RBFOX2: variants seen among roughly 807,000 people sequenced by gnomAD.
RBFOX2 encodes RNA binding fox-1 homolog 2, also known as RNA binding protein fox-1 homolog 2.
RBFOX2 carries 10 observed loss-of-function variants against 49.1 expected under a neutral mutation model. The ratio of observed to expected loss-of-function variants is 0.20; its 90% confidence interval spans 0.13 to 0.35. The LOEUF (loss-of-function observed/expected upper bound fraction) is 0.35, where lower values mean the gene tolerates loss of function less well. Among genes scored for constraint, RBFOX2 ranks in the 10% least tolerant of loss-of-function variants. RBFOX2 has a pLI of 1.00. For missense variants in RBFOX2, 323 were observed against 486.9 expected, an observed-to-expected ratio of 0.66 and a Z score of 3.17; for synonymous variants, 183 against 187.4, an observed-to-expected ratio of 0.98 and a Z score of 0.19.
At chr22:35,926,847 A>C (rs981891204) in intron 1 of RBFOX2, among the ~76,000 whole-genome samples, 5 of 152,192 alleles carry the variant, frequency 3.3e-5, no homozygotes, top group Non-Finnish European at 7.3e-5. Flanking sequence ...CAAAAAGAAG[A>C]AACTTGGGCC....
chr22:35,948,351 A>G (rs536331331), intron 1 of RBFOX2, among the ~76,000 whole-genome samples: 16 of 152,336 alleles, frequency 1.1e-4, no homozygotes, highest in African/African-American at 3.6e-4. Flanking sequence ...CATTTTAAAA[A>G]AATAAAATAA....
chr22:35,866,956 A>G (rs1038826415), intron 1 of RBFOX2, among the ~76,000 whole-genome samples: 3 of 152,208 alleles, frequency 2.0e-5, no homozygotes, highest in Admixed American at 6.5e-5. Flanking sequence ...AATGTGTAAC[A>G]GTATCTACGT....
At chr22:36,028,473 C>T in exon 1 of RBFOX2, 2 of 1,145,356 alleles carry the variant, frequency 1.7e-6, no homozygotes, top group South Asian at 4.3e-5. Flanking sequence ...CCGCGACAGG[C>T]CACCTCCCCC....
chr22:35,762,027 A>C (rs1939082107), intron 6 of RBFOX2, among the ~76,000 whole-genome samples: 1 of 152,192 alleles, frequency 6.6e-6, no homozygotes, highest in South Asian at 2.1e-4. Context: ...ACTGGGGTTC[A>C]CCAACTAAAA....
chr22:35,965,827 C>T (rs1211769820), upstream of RBFOX2, among the ~76,000 whole-genome samples: 1 of 152,128 alleles, frequency 6.6e-6, no homozygotes, highest in Non-Finnish European at 1.5e-5. Context: ...GAAGGGAAAG[C>T]TATCTATCAG....
chr22:35,935,427 G>C (rs1176695127), intron 1 of RBFOX2, among the ~76,000 whole-genome samples: 3 of 152,208 alleles, frequency 2.0e-5, no homozygotes, highest in Non-Finnish European at 4.4e-5. Flanking sequence ...AAAGAAGGCT[G>C]AGGTGACCTT....
At chr22:36,002,923 G>A (rs1181833013) in intron 1 of RBFOX2, among the ~76,000 whole-genome samples, 2 of 152,252 alleles carry the variant, frequency 1.3e-5, no homozygotes, top group African/African-American at 4.8e-5. Flanking sequence ...ACCACGCCCA[G>A]CCCGGACTCT....
At chr22:35,757,271 TAG>T (rs1937275695) in intron 9 of RBFOX2, among the ~76,000 whole-genome samples, 2 of 151,188 alleles carry the variant, frequency 1.3e-5, no homozygotes, top group South Asian at 4.2e-4. Flanking sequence ...TTCTTAAGTA[TAG>T]ATTTCCAACC....
At chr22:35,945,778 G>A (rs1342228843) in intron 1 of RBFOX2, among the ~76,000 whole-genome samples, 1 of 152,138 alleles carries the variant, frequency 6.6e-6, no homozygotes, top group African/African-American at 2.4e-5. Context: ...GCGTCATTCT[G>A]CTTCCAAACC....
chr22:35,803,543 T>C (rs900959096), intron 2 of RBFOX2, among the ~76,000 whole-genome samples: 5 of 151,914 alleles, frequency 3.3e-5, no homozygotes, highest in African/African-American at 7.3e-5. Context: ...TGGGTTTGGT[T>C]GCATGTGCCT....
rs1420220484 is a variant in RBFOX2 at position 35,809,981 on chromosome 22, AGTT to A, written c.48_50del (p.Thr17del). On this transcript the variant is annotated inframe_deletion, in exon 2 of 12. Transcript: ENST00000405409. ...TAAAAGGCTGAACCATTGCGTCAGGAGTTGTTGTCGGCTCCTGGTTACCCTAAA... is the reference window on the plus strand; with the variant it reads ...TAAAAGGCTGAACCATTGCGTCAGGAGTTGTCGGCTCCTGGTTACCCTAAA... 4 of 1,614,022 alleles carry A rather than the reference AGTT, an allele frequency of 2.5e-6. No individual in the cohort carries two copies. The Admixed American group carries it at 6.7e-5, about 27-fold the overall frequency.
chr22:35,749,461 T>C lies in RBFOX2; in HGVS notation c.888-2900A>G, dbSNP rs887851180. Among the ~76,000 whole-genome samples, 13 of 152,068 alleles carry C rather than the reference T, an allele frequency of 8.5e-5. No individual in the cohort carries two copies. The highest frequency in any genetic ancestry group is 3.1e-4 in the African/African-American group (13 of 41,412). ...AATTCACTAATGACTACTCCAAAAG[T>C]AGAAAAATTAATTGTGTATCATGGA... On this transcript the variant is annotated intron_variant, in intron 9 of 11. Coordinates refer to ENST00000405409, the Ensembl canonical transcript of RBFOX2. This position sits in a 1 kb window ranked among gnomAD's most constrained non-coding sequence, Gnocchi z 4.1.
chr22:35,994,169 T>C (rs910858436), intron 1 of RBFOX2: 5 of 150,678 alleles, frequency 3.3e-5, no homozygotes. Flanking sequence ...GTAGTAGCCA[T>C]ATTAAAAATG....
chr22:36,016,635 C>T (rs182416871), intron 1 of RBFOX2, among the ~76,000 whole-genome samples: 21 of 152,290 alleles, frequency 1.4e-4, no homozygotes, highest in African/African-American at 5.1e-4. Context: ...ACCTGGGGAC[C>T]TAAGTCCCTA....
intron 1 of RBFOX2, among the ~76,000 whole-genome samples, chr22:35,914,171 T>C (rs1229173842): frequency 6.6e-6 from 1 of 152,194 alleles, no homozygotes; most frequent in Non-Finnish European, 1.5e-5. Context: ...CTTCCTTAAG[T>C]GACCTTGGGC....
At chr22:35,994,385 T>TTTTATTTATTTATTTATTTA (rs560646071) in intron 1 of RBFOX2, 7 of 148,030 alleles carry the variant, frequency 4.7e-5, no homozygotes, top group African/African-American at 1.8e-4. Flanking sequence ...TATTTATTCA[T>TTTTATTTATTTATTTATTTA]TTTATTTATT....
In RBFOX2 at chr22:35,869,469, CAAAAAAAAAAAAAAA is replaced by C. The variant is rs35854576; in HGVS notation, c.-33-59480_-33-59466del. On this transcript the variant is annotated intron_variant, in intron 1 of 13. Transcript: ENST00000359369. Reference sequence around the variant, plus strand: ...CCACCACACCCAGCCAACGGCTGACCAAAAAAAAAAAAAAAAAAAAAAAAAAAAAAAAAAAATGTA... The same window carrying C: ...CCACCACACCCAGCCAACGGCTGACCAAAAAAAAAAAAAAAAAAAAATGTA... Among the ~76,000 whole-genome samples, 50 of 30,568 alleles carry C rather than the reference CAAAAAAAAAAAAAAA, an allele frequency of 1.6e-3. 1 individual carries two copies. The East Asian group carries it at 0.032, about 20-fold the overall frequency. 20.1% of individuals were successfully genotyped at this position (30,568 alleles called of 152,430 possible). A position where few individuals can be genotyped will look rare whatever the true frequency, so the allele number is the denominator to read the frequency against.
At chr22:36,017,947 C>A (rs1180826949) in intron 1 of RBFOX2, among the ~76,000 whole-genome samples, 1 of 152,216 alleles carries the variant, frequency 6.6e-6, no homozygotes, top group Non-Finnish European at 1.5e-5. Flanking sequence ...ACCCTGATAT[C>A]AATGAAAAGA....
intron 1 of RBFOX2, among the ~76,000 whole-genome samples, chr22:36,017,109 C>T (rs1461183875): frequency 4.6e-5 from 7 of 152,196 alleles, no homozygotes; most frequent in African/African-American, 1.7e-4. Flanking sequence ...ATGAATCTAT[C>T]GCCAAGGCTG....
Sources: allele counts gnomAD v4.1 joint callset (sites outside exome capture counted in the v4.1 genomes callset), GRCh38; gene constraint gnomAD v4.1.1; non-coding constraint Gnocchi (gnomAD v3.1); transcripts MANE v1.5; gene names NCBI Gene and HGNC (gene_info 2026-07-23, HGNC 2026-07-21).